Variants in ITPKC observed in about 807,000 individuals in gnomAD.
ITPKC encodes the protein IP3 3-kinase C.
Under a neutral mutation model 67.1 loss-of-function variants are expected in ITPKC, and 33 were observed. The observed-to-expected ratio is 0.49, with a 90% confidence interval of 0.37 to 0.66. The LOEUF is 0.66. Ranked by LOEUF, ITPKC falls within the 30% of genes least tolerant of loss-of-function variation. The pLI, the probability that ITPKC is intolerant of heterozygous loss-of-function variation, is 0.00. For missense variants in ITPKC, 820 were observed against 892.1 expected, an observed-to-expected ratio of 0.92 and a Z score of 1.03; for synonymous variants, 341 against 359.8, an observed-to-expected ratio of 0.95 and a Z score of 0.59.
At chr19:40,720,792 C>T (rs1030635626) in intron 1 of ITPKC, among the ~76,000 whole-genome samples, 3 of 152,116 alleles carry the variant, frequency 2.0e-5, no homozygotes, top group Non-Finnish European at 4.4e-5. Context: ...ACGCATTGCT[C>T]AAGCCGTTCC....
intron 3 of ITPKC, among the ~76,000 whole-genome samples, chr19:40,732,855 A>C (rs2144749958): frequency 6.6e-6 from 1 of 152,354 alleles, no homozygotes; most frequent in South Asian, 2.1e-4. Context: ...TTTCATATTT[A>C]GACCTACATT....
intron 2 of ITPKC, among the ~76,000 whole-genome samples, 170 bp from the exon 3 acceptor site, chr19:40,729,032 A>G (rs188234126): frequency 3.3e-5 from 5 of 152,170 alleles, no homozygotes; most frequent in Admixed American, 2.0e-4. Flanking sequence ...CATCTCAAAA[A>G]AATAAAATAA....
In ITPKC at chr19:40,718,090, C is replaced by T; in HGVS notation, c.955C>T (p.Leu319=). The T allele has an allele frequency of 1.9e-6, 3 of 1,613,852 alleles. No homozygotes were observed. In the Admixed American group the frequency reaches 5.0e-5, roughly 27 times the overall value. ...ATTGCTGACTCACCTGTACTCTCAC[C>T]TGAAGTGTAGCCCCCTGTGCCCTGT... The part of the protein sequence containing the change: ...GELLTHLYSH[L]KCSPLCPVPR... Residue 319 remains leucine (L), a synonymous_variant, in exon 1 of 7, where the codon CTG becomes TTG. Coordinates refer to ENST00000263370, the MANE Select transcript of ITPKC (RefSeq NM_025194.3).
At position 40,718,029 on chromosome 19, in the gene ITPKC, T is replaced by C. The variant is rs906472039; in HGVS notation, c.894T>C (p.Pro298=). Residue 298 remains proline (P), a synonymous_variant, in exon 1 of 7, where the codon CCT becomes CCC. Transcript: ENST00000263370. ...GGACAGACTGCCTCTTGGGAGAGCC[T>C]GAGGATGGCCCATTAGAGGAACCAG... ...APGTDCLLGE[P]EDGPLEEPEP... The C allele has an allele frequency of 3.7e-6, 6 of 1,613,958 alleles. No individual in the cohort carries two copies. The African/African-American group carries it at 6.7e-5, about 18-fold the overall frequency.
chr19:40,722,953 T>TTTTA (rs146538442), intron 1 of ITPKC, among the ~76,000 whole-genome samples: 9,222 of 151,346 alleles, frequency 0.061, 350 homozygotes, highest in East Asian at 0.21. Context: ...ATTCTTAATT[T>TTTTA]TTTATTTATT....
At position 40,729,359 on chromosome 19, in the gene ITPKC, A is replaced by G; in HGVS notation, c.1413A>G (p.Glu471=). 6.2e-7 allele frequency: 1 copy of G among 1,614,088 alleles called. No homozygotes were observed. Among genetic ancestry groups the G allele is most frequent in the Non-Finnish European group, 8.5e-7 (1 of 1,180,008 alleles). ...ATGGCCAGACCTTCAACCAGATGGA[A>G]GACCTCCTGGCTGACTTTGAGGGCC... ...LQDGQTFNQM[E]DLLADFEGPS... The change falls in exon 3 of 7, where the codon GAA becomes GAG. Residue 471 remains glutamate, a synonymous_variant. Coordinates refer to ENST00000263370, the MANE Select transcript of ITPKC (RefSeq NM_025194.3).
chr19:40,721,531 C>T (rs531169462), intron 1 of ITPKC, among the ~76,000 whole-genome samples: 3 of 151,928 alleles, frequency 2.0e-5, no homozygotes, highest in Admixed American at 6.6e-5. Flanking sequence ...CCACCACGCC[C>T]GGCTAATTTT....
At chr19:40,735,363 G>A (rs1209583564) in intron 4 of ITPKC, among the ~76,000 whole-genome samples, 15 of 150,906 alleles carry the variant, frequency 9.9e-5, no homozygotes, top group African/African-American at 3.4e-4. Flanking sequence ...TTTGAGACAG[G>A]GTCTCACTCT....
chr19:40,717,881 C>T lies in ITPKC; in HGVS notation c.746C>T (p.Ser249Phe). ...GPWTEPYTDG[S>F]QKKQDTEAAR... is the part of the protein sequence containing the mutation. ...TGGACAGAGCCATATACTGATGGCT[C>T]CCAGAAAAAACAGGATACTGAAGCA... is the stretch of plus-strand genomic sequence containing the variant. Residue 249 changes from serine to phenylalanine, a missense_variant, in exon 1 of 7, where the codon TCC (serine) becomes TTC (phenylalanine). Transcript: ENST00000263370. 6.2e-7 allele frequency: 1 copy of T among 1,614,034 alleles called. No individual in the cohort carries two copies. The highest frequency in any genetic ancestry group is 8.5e-7 in the Non-Finnish European group (1 of 1,179,984).
intron 2 of ITPKC, among the ~76,000 whole-genome samples, chr19:40,728,798 C>T (rs146342010): frequency 2.0e-5 from 3 of 152,116 alleles, no homozygotes; most frequent in Non-Finnish European, 1.5e-5. Context: ...GAGGCCAAGG[C>T]GGGTGGATCA....
chr19:40,717,277 G>T lies in ITPKC; in HGVS notation c.142G>T (p.Ala48Ser), dbSNP rs1209468931. 4.9e-6 allele frequency: 7 copies of T among 1,442,748 alleles called. No homozygotes were observed. In the South Asian group the frequency reaches 1.0e-4, roughly 21 times the overall value. 89.4% of individuals were successfully genotyped at this position (1,442,748 alleles called of 1,614,324 possible). Reference sequence around the variant, plus strand: ...GCAGCGACCTGGGCCCGGCGCAGGGGCCCCGGCGGGGCGGCCGGAGGGGGG... The same window carrying T: ...GCAGCGACCTGGGCCCGGCGCAGGGTCCCCGGCGGGGCGGCCGGAGGGGGG... ...GQQRPGPGAG[A>S]PAGRPEGGGP... The change falls in exon 1 of 7, where the codon GCC (alanine) becomes TCC (serine). Residue 48 changes from alanine to serine, a missense_variant. By Grantham distance (99) the Ala-to-Ser change is moderately conservative (BLOSUM62 1). Coordinates refer to ENST00000263370, the MANE Select transcript of ITPKC (RefSeq NM_025194.3).
chr19:40,719,227 C>T (rs558939986), intron 1 of ITPKC, among the ~76,000 whole-genome samples: 1 of 152,270 alleles, frequency 6.6e-6, no homozygotes, highest in East Asian at 1.9e-4. Flanking sequence ...CACATGTGGC[C>T]CTAGCTGTGA....
Position 40,739,656 on chromosome 19 carries a change from T to A in ITPKC, c.*96T>A. 9.0e-7 allele frequency: 1 copy of A among 1,105,300 alleles called. No individual in the cohort carries two copies. The highest frequency in any genetic ancestry group is 1.3e-6 in the Non-Finnish European group (1 of 768,994). 68.5% of individuals were successfully genotyped at this position (1,105,300 alleles called of 1,614,324 possible). ...GGCCTGAGGTTGGCCACGGGGGAGC[T>A]GGCCTCCAGGGACGGGAGAGATTGT... On this transcript the variant is annotated 3_prime_UTR_variant, in exon 7 of 7. Transcript: ENST00000263370.
chr19:40,739,642 G>A lies in ITPKC; in HGVS notation c.*82G>A, dbSNP rs1291897968. On this transcript the variant is annotated 3_prime_UTR_variant, in exon 7 of 7. Transcript: ENST00000263370. ...GAGATGCCATGGGAGGCCTGAGGTT[G>A]GCCACGGGGGAGCTGGCCTCCAGGG... 1.6e-6 allele frequency: 2 copies of A among 1,271,474 alleles called. No homozygotes were observed. The highest frequency in any genetic ancestry group is 5.0e-5 in the East Asian group (2 of 39,848). 78.8% of individuals were successfully genotyped at this position (1,271,474 alleles called of 1,614,324 possible).
At position 40,739,994 on chromosome 19, in the gene ITPKC, C is replaced by T. The variant is rs753196472; in HGVS notation, c.*434C>T. ...CTGAGGCCAGGGACTGGGTCAGGCT[C>T]ATCTGTGGCGCCTCAGAGGGTCAGC... On this transcript the variant is annotated 3_prime_UTR_variant, in exon 7 of 7. Coordinates refer to ENST00000263370, the MANE Select transcript of ITPKC (RefSeq NM_025194.3). 36 of 184,074 alleles carry T rather than the reference C, an allele frequency of 2.0e-4. No homozygotes were observed. The highest frequency in any genetic ancestry group is 9.0e-4 in the South Asian group (8 of 8,890). 11.4% of individuals were successfully genotyped at this position (184,074 alleles called of 1,614,324 possible). A position where few individuals can be genotyped will look rare whatever the true frequency, so the allele number is the denominator to read the frequency against.
In ITPKC at chr19:40,717,872, C is replaced by G. The variant is rs751399316; in HGVS notation, c.737C>G (p.Thr246Ser). The G allele has an allele frequency of 8.7e-6, 14 of 1,613,862 alleles. No homozygotes were observed. The East Asian group carries it at 8.9e-5, about 10-fold the overall frequency. Residue 246 changes from threonine (T) to serine (S), a missense_variant, in exon 1 of 7, where the codon ACT (threonine) becomes AGT (serine). By Grantham distance (58) the Thr-to-Ser change is moderately conservative (BLOSUM62 1). Around this residue, in one of 2 missense-constraint regions of ITPKC, gnomAD observed 481 missense variants for 470.1 expected, o/e 1.02. Transcript: ENST00000263370. ...GAAGGTCCCTGGACAGAGCCATATACTGATGGCTCCCAGAAAAAACAGGAT... is the reference window on the plus strand; with the variant it reads ...GAAGGTCCCTGGACAGAGCCATATAGTGATGGCTCCCAGAAAAAACAGGAT... ...DIEGPWTEPY[T>S]DGSQKKQDTE...
In ITPKC at chr19:40,717,549, G is replaced by A; in HGVS notation, c.414G>A (p.Thr138=). ...AGCTGGAGACGACTTGTCTTTGGAC[G>A]GAGACCGGGACAGATGGCCTTTGGA... ...WSELETTCLW[T]ETGTDGLWTD... Residue 138 remains threonine, a synonymous_variant, in exon 1 of 7, where the codon ACG becomes ACA. Coordinates refer to ENST00000263370, the MANE Select transcript of ITPKC (RefSeq NM_025194.3). 1 of 1,614,146 alleles carries A rather than the reference G, an allele frequency of 6.2e-7. No homozygotes were observed. The highest frequency in any genetic ancestry group is 1.1e-5 in the South Asian group (1 of 91,080).
chr19:40,733,233 G>A lies in ITPKC; in HGVS notation c.1543G>A (p.Val515Met). 2.5e-6 allele frequency: 4 copies of A among 1,614,248 alleles called. No individual in the cohort carries two copies. Among genetic ancestry groups the A allele is most frequent in the Non-Finnish European group, 3.4e-6 (4 of 1,180,036 alleles). ...RPRKDMYEKM[V>M]AVDPGAPTPE... Reference sequence around the variant, plus strand: ...CCGGAAGGACATGTATGAGAAGATGGTGGCTGTGGACCCTGGGGCCCCTAC... The same window carrying A: ...CCGGAAGGACATGTATGAGAAGATGATGGCTGTGGACCCTGGGGCCCCTAC... Residue 515 changes from valine to methionine, a missense_variant, in exon 4 of 7, where the codon GTG becomes ATG. This residue lies in a region of ITPKC where 339 missense variants were observed against 422.0 expected (regional missense o/e 0.80). Transcript: ENST00000263370.
intron 1 of ITPKC, among the ~76,000 whole-genome samples, chr19:40,723,636 A>G (rs1379266864): frequency 1.3e-5 from 2 of 151,966 alleles, no homozygotes; most frequent in Non-Finnish European, 2.9e-5. Context: ...AGCTGGGACT[A>G]CAGGTGTGTA....
Sources: gnomAD v4.1 joint callset for allele counts (sites outside exome capture counted in the v4.1 genomes callset) on GRCh38, gnomAD v4.1.1 for gene constraint, gnomAD v4.1.1 regional missense constraint, MANE v1.5 for transcripts, NCBI Gene and HGNC (gene_info 2026-07-23, HGNC 2026-07-21) for gene names.